GABRE: variants seen among roughly 807,000 people sequenced by gnomAD.
GABRE encodes gamma-aminobutyric acid receptor subunit epsilon.
A neutral mutation model predicts 31.0 loss-of-function variants in GABRE; 20 were observed. The ratio of observed to expected loss-of-function variants is 0.64; its 90% CI spans 0.45 to 0.94. The LOEUF is 0.94. Among genes scored for constraint, GABRE ranks in the 40% least tolerant of loss-of-function variants. The probability of loss-of-function intolerance (pLI) is 0.00; values close to 1 mark genes in which losing one functional copy is unlikely to be tolerated. For synonymous variants in GABRE, 155 were observed against 150.6 expected, an observed-to-expected ratio of 1.03 and a Z score of -0.21; for missense variants, 420 against 410.7, an observed-to-expected ratio of 1.02 and a Z score of -0.20.
At chrX:151,960,775 G>A (rs779758043) in intron 5 of GABRE, among the ~76,000 whole-genome samples, 36 of 111,617 alleles carry the variant, frequency 3.2e-4, no homozygotes, top group Non-Finnish European at 5.8e-4. Context: ...AGACAGCATC[G>A]ATAGAGACTG....
At chrX:151,971,369 T>TC (rs1934689128) in intron 1 of GABRE, 3 of 283,642 alleles carry the variant, frequency 1.1e-5, no homozygotes, top group African/African-American at 2.8e-5. Flanking sequence ...CTTGCTAATA[T>TC]CTGGATCTTA....
intron 6 of GABRE, chrX:151,958,505 A>G (rs780264556): frequency 2.9e-6 from 1 of 341,971 alleles, no homozygotes; most frequent in East Asian, 8.3e-5. Context: ...TTTTCTCCTC[A>G]AGAATCCTCC....
At chrX:151,961,617 A>G (rs1446492509) in intron 4 of GABRE, among the ~76,000 whole-genome samples, 6 of 110,739 alleles carry the variant, frequency 5.4e-5, no homozygotes, top group African/African-American at 2.0e-4. Context: ...GTGCCAGCAC[A>G]CCCTGCTAAT....
chrX:151,954,025 G>C lies in GABRE; in HGVS notation c.*676C>G, dbSNP rs1341978721. ...ACGAAAGATGGAGCCAGCAAGGAGA[G>C]GGAGATGTCACAGCAGCAGAGAGAG... On this transcript the variant is annotated 3_prime_UTR_variant, in exon 9 of 9. Coordinates refer to ENST00000370328, the MANE Select transcript of GABRE (RefSeq NM_004961.4). 2 of 112,069 alleles carry C rather than the reference G, an allele frequency of 1.8e-5. No individual in the cohort carries two copies. Among genetic ancestry groups the C allele is most frequent in the African/African-American group, 6.5e-5 (2 of 30,843 alleles). The allele number at this position is 112,069 out of a possible 1,213,427, so 9.2% of individuals were successfully genotyped here. A position where few individuals can be genotyped will look rare whatever the true frequency, so the allele number is the denominator to read the frequency against.
chrX:151,958,514 C>T (rs1388949832), intron 6 of GABRE: 2 of 349,474 alleles, frequency 5.7e-6, no homozygotes, highest in Admixed American at 3.0e-5. Flanking sequence ...CAAGAATCCT[C>T]CTCACTCCCA....
At position 151,955,519 on chromosome X, in the gene GABRE, T is replaced by A; in HGVS notation, c.986A>T (p.Lys329Met). The change falls in exon 8 of 9, where the codon AAG becomes ATG. Residue 329 changes from lysine (K) to methionine (M), a missense_variant. Transcript: ENST00000370328. ...TMTTLGTFSR[K>M]NFPRVSYITA... ...GATATAGGAGACACGCGGGAAATTC[T>A]TACGAGAAAAGGTGCCCAACGTGGT... 1 of 1,212,039 alleles carries A rather than the reference T, an allele frequency of 8.3e-7. No individual in the cohort carries two copies. The highest frequency in any genetic ancestry group is 1.1e-6 in the Non-Finnish European group (1 of 895,500).
Position 151,959,536 on chromosome X carries a change from C to A in GABRE, c.784+303G>T, listed in dbSNP as rs368644735. On this transcript the variant is annotated intron_variant, in intron 6 of 8. Coordinates refer to ENST00000370328, the MANE Select transcript of GABRE (RefSeq NM_004961.4). ...TCATCCAAAGAGGTCAGAGTTGTAACCTCGAAACTGAAGGGTCTGCATGAA... is the reference window on the plus strand; with the variant it reads ...TCATCCAAAGAGGTCAGAGTTGTAAACTCGAAACTGAAGGGTCTGCATGAA... 3.9e-5 allele frequency: 15 copies of A among 387,159 alleles called. No homozygotes were observed. In the East Asian group the frequency reaches 8.7e-4, roughly 22 times the overall value. The allele number at this position is 387,159 out of a possible 1,213,427, so 31.9% of individuals were successfully genotyped here.
chrX:151,973,328 G>T (rs1367135110), intron 1 of GABRE, among the ~76,000 whole-genome samples: 1 of 110,656 alleles, frequency 9.0e-6, no homozygotes, highest in Non-Finnish European at 1.9e-5. Context: ...GCCATCTTTT[G>T]CCCTAGCCAG....
At chrX:151,955,679 C>T (rs951985435) in intron 7 of GABRE, 29 bp downstream of exon 7, 1 of 1,208,181 alleles carries the variant, frequency 8.3e-7, no homozygotes, top group African/African-American at 1.7e-5. Flanking sequence ...CAGCCATGTG[C>T]CTATGCGTAT....
chrX:151,956,656 T>A (rs1934180141), intron 6 of GABRE: 1 of 112,033 alleles, frequency 8.9e-6, no homozygotes, highest in African/African-American at 3.2e-5. Context: ...TAACCCAAAC[T>A]GAGTGTTTCA....
At chrX:151,962,111 G>C (rs2239685) in intron 4 of GABRE, among the ~76,000 whole-genome samples, 1 of 110,459 alleles carries the variant, frequency 9.1e-6, no homozygotes, top group Non-Finnish European at 1.9e-5. Context: ...GAGTGCCCAC[G>C]TAGGATGGAA....
At chrX:151,957,636 C>A in intron 6 of GABRE, 1 of 246,427 alleles carries the variant, frequency 4.1e-6, no homozygotes, top group South Asian at 4.4e-5. Context: ...GAACCTTCTC[C>A]GCTCGTCAAG....
At chrX:151,963,007 T>C (rs547439524) in intron 3 of GABRE, among the ~76,000 whole-genome samples, 1 of 112,091 alleles carries the variant, frequency 8.9e-6, no homozygotes, top group South Asian at 3.8e-4. Flanking sequence ...CAAAGCTCCC[T>C]ACTACTTTCT....
In GABRE at chrX:151,953,535, T is replaced by C. The variant is rs994443504; in HGVS notation, c.*1166A>G. On this transcript the variant is annotated 3_prime_UTR_variant, in exon 9 of 9. Transcript: ENST00000370328. ...TGACTCAGGGTTTTCATCTGCAAAATGGGGATAAGAATCCTGCCCTAAAGA... is the reference window on the plus strand; with the variant it reads ...TGACTCAGGGTTTTCATCTGCAAAACGGGGATAAGAATCCTGCCCTAAAGA... The C allele has an allele frequency of 4.5e-5, 5 of 112,112 alleles. No individual in the cohort carries two copies. In the Admixed American group the frequency reaches 4.7e-4, roughly 11 times the overall value. The allele number at this position is 112,112 out of a possible 1,213,427, so 9.2% of individuals were successfully genotyped here.
At chrX:151,955,177 C>T (rs1374896970) in intron 8 of GABRE, 93 bp from the exon 9 acceptor site, 1 of 1,173,325 alleles carries the variant, frequency 8.5e-7, no homozygotes, top group Non-Finnish European at 1.1e-6. Context: ...CTGTCTTTGG[C>T]ACACCATATC....
chrX:151,966,067 C>T (rs1934515575), intron 3 of GABRE, among the ~76,000 whole-genome samples: 1 of 112,534 alleles, frequency 8.9e-6, no homozygotes, highest in African/African-American at 3.2e-5. Context: ...CCTCTGCACT[C>T]ACACTGTGTT....
At chrX:151,969,421 A>G in intron 3 of GABRE, 1 of 291,254 alleles carries the variant, frequency 3.4e-6, no homozygotes. Context: ...ACATTGCTTT[A>G]TTATTTCTAT....
At chrX:151,966,501 G>C (rs946728672) in intron 3 of GABRE, among the ~76,000 whole-genome samples, 2 of 112,100 alleles carry the variant, frequency 1.8e-5, no homozygotes, top group African/African-American at 6.5e-5. Flanking sequence ...TCACATTTCT[G>C]AGAAGTCTCA....
rs749967424 is a variant in GABRE, at chrX:151,955,507, C to T, written c.998G>A (p.Arg333His). The change falls in exon 8 of 9, where the codon CGT becomes CAT. Residue 333 changes from arginine to histidine, a missense_variant. Coordinates refer to ENST00000370328, the MANE Select transcript of GABRE (RefSeq NM_004961.4). Reference protein sequence around the residue: ...LGTFSRKNFPRVSYITALDFY... With the variant: ...LGTFSRKNFPHVSYITALDFY... ...ATCCAAGGCTGTGATATAGGAGACA[C>T]GCGGGAAATTCTTACGAGAAAAGGT... The T allele has an allele frequency of 1.1e-5, 13 of 1,210,262 alleles. No homozygotes were observed. The highest frequency in any genetic ancestry group is 5.3e-5 in the South Asian group (3 of 56,832).
Sources: allele counts gnomAD v4.1 joint callset (sites outside exome capture counted in the v4.1 genomes callset), GRCh38; gene constraint gnomAD v4.1.1; transcripts MANE v1.5; gene names NCBI Gene and HGNC (gene_info 2026-07-23, HGNC 2026-07-21).